PLRG1: variants seen among roughly 807,000 people sequenced by gnomAD.
PLRG1 encodes the protein pleiotropic regulator 1 (PRL1 homolog, Arabidopsis).
A neutral mutation model predicts 74.9 loss-of-function variants in PLRG1; 28 were observed. The observed-to-expected ratio is 0.37, with a 90% CI of 0.28 to 0.51. The LOEUF is 0.51. Among genes scored for constraint, PLRG1 ranks in the 20% least tolerant of loss-of-function variants. PLRG1 has a pLI of 0.91. For synonymous variants in PLRG1, 197 were observed against 212.4 expected, an observed-to-expected ratio of 0.93 and a Z score of 0.63; for missense variants, 445 against 631.9, an observed-to-expected ratio of 0.70 and a Z score of 3.17.
At chr4:154,544,630 A>C in intron 6 of PLRG1, 84 bp from the exon 7 acceptor site, 1 of 739,440 alleles carries the variant, frequency 1.4e-6, no homozygotes, top group South Asian at 1.7e-5. Flanking sequence ...AAATGGAAAG[A>C]GGGAACTTAC....
chr4:154,536,191 G>GTC lies in PLRG1; in HGVS notation c.*493_*494insGA, dbSNP rs1467641541. On this transcript the variant is annotated 3_prime_UTR_variant, in exon 15 of 15. Coordinates refer to ENST00000499023, the MANE Select transcript of PLRG1 (RefSeq NM_002669.4). ...GACACATCTTACTTGTCTATTTCCTGAACAGTATCTAGTGCAGAACTTTGT... is the reference window on the plus strand; with the variant it reads ...GACACATCTTACTTGTCTATTTCCTGTCAACAGTATCTAGTGCAGAACTTTGT... 3.2e-5 allele frequency: 5 copies of GTC among 154,340 alleles called. No individual in the cohort carries two copies. Among genetic ancestry groups the GTC allele is most frequent in the African/African-American group, 7.2e-5 (3 of 41,400 alleles). 9.6% of individuals were successfully genotyped at this position (154,340 alleles called of 1,614,324 possible).
At chr4:154,538,940 A>C (rs1729505544) in intron 12 of PLRG1, 165 bp downstream of exon 12, 1 of 557,106 alleles carries the variant, frequency 1.8e-6, no homozygotes. Flanking sequence ...CATGAAGCAA[A>C]ATAGTGCATG....
intron 7 of PLRG1, chr4:154,544,143 C>T: frequency 5.2e-6 from 1 of 191,254 alleles, no homozygotes; most frequent in Non-Finnish European, 1.1e-5. Flanking sequence ...GGTGTTTTTC[C>T]CCTTCACCTT....
intron 8 of PLRG1, among the ~76,000 whole-genome samples, 172 bp from the exon 9 acceptor site, chr4:154,541,106 C>G (rs75780078): frequency 0.026 from 3,949 of 152,078 alleles, 157 homozygotes; most frequent in African/African-American, 0.089. Context: ...AAGAAAAAAA[C>G]TGGCATGCTC....
chr4:154,541,238 T>TA (rs1560807051), intron 8 of PLRG1, among the ~76,000 whole-genome samples: 1 of 152,134 alleles, frequency 6.6e-6, no homozygotes, highest in Non-Finnish European at 1.5e-5. Flanking sequence ...GGCAACAACT[T>TA]AAAGAAATCC....
At chr4:154,539,844 T>G (rs1315304377) in intron 11 of PLRG1, 107 bp downstream of exon 11, 8 of 723,450 alleles carry the variant, frequency 1.1e-5, no homozygotes, top group Non-Finnish European at 2.0e-5. Context: ...ACAGAAACAC[T>G]GTAAACACAA....
chr4:154,548,765 C>T (rs1260167047), intron 2 of PLRG1, 64 bp downstream of exon 2: 1 of 828,952 alleles, frequency 1.2e-6, no homozygotes, highest in Non-Finnish European at 2.1e-6. Flanking sequence ...CCTCTCCCTG[C>T]TCTCTTCCCC....
intron 12 of PLRG1, among the ~76,000 whole-genome samples, chr4:154,538,429 T>C (rs528579672): frequency 6.6e-6 from 1 of 151,854 alleles, no homozygotes; most frequent in African/African-American, 2.4e-5. Context: ...TGCAACTCTT[T>C]TGGAGGGAGG....
intron 5 of PLRG1, 89 bp downstream of exon 5, chr4:154,546,034 C>T (rs1729646184): frequency 1.8e-6 from 2 of 1,087,442 alleles, no homozygotes; most frequent in Non-Finnish European, 2.7e-6. Context: ...AGGAAAATGT[C>T]ATATAATAGT....
In PLRG1 at chr4:154,542,291, A is replaced by G; in HGVS notation, c.595-12T>C. 1 of 1,566,078 alleles carries G rather than the reference A, an allele frequency of 6.4e-7. No homozygotes were observed. Among genetic ancestry groups the G allele is most frequent in the Middle Eastern group, 1.7e-4 (1 of 5,976 alleles). ...TGCCCACTGATAACCTGTATAAAACAAAGTAGAATGGGCAGGCCAACGTAG... is the reference window on the plus strand; with the variant it reads ...TGCCCACTGATAACCTGTATAAAACGAAGTAGAATGGGCAGGCCAACGTAG... On this transcript the variant is annotated splice_polypyrimidine_tract_variant and intron_variant, in intron 7 of 14. Coordinates refer to ENST00000499023, the MANE Select transcript of PLRG1 (RefSeq NM_002669.4).
intron 1 of PLRG1, 34 bp from the exon 2 acceptor site, chr4:154,548,969 A>G: frequency 8.9e-7 from 1 of 1,127,474 alleles, no homozygotes; most frequent in Non-Finnish European, 1.4e-6. Context: ...ACACCTATCT[A>G]CAAATTACAC....
intron 5 of PLRG1, 56 bp from the exon 6 acceptor site, chr4:154,545,979 T>C: frequency 8.3e-7 from 1 of 1,210,630 alleles, no homozygotes; most frequent in South Asian, 1.3e-5. Context: ...TCATGTATTC[T>C]GCAAAACTAA....
chr4:154,547,491 A>C, intron 3 of PLRG1: 2 of 573,824 alleles, frequency 3.5e-6, no homozygotes, highest in Non-Finnish European at 6.1e-6. Flanking sequence ...CACTCTAAGA[A>C]TCTCTGCCAT....
At chr4:154,540,562 T>C in intron 10 of PLRG1, 32 bp downstream of exon 10, 2 of 1,396,220 alleles carry the variant, frequency 1.4e-6, no homozygotes, top group Non-Finnish European at 2.0e-6. Flanking sequence ...GCAATATATT[T>C]ACAGATAAAT....
intron 1 of PLRG1, among the ~76,000 whole-genome samples, chr4:154,549,310 T>C (rs911718270): frequency 1.3e-5 from 2 of 152,180 alleles, no homozygotes; most frequent in African/African-American, 4.8e-5. Context: ...TTTTGATAAG[T>C]GCTATGAAGG....
chr4:154,539,714 G>C (rs1439353477), intron 11 of PLRG1, among the ~76,000 whole-genome samples: 1 of 151,956 alleles, frequency 6.6e-6, no homozygotes, highest in African/African-American at 2.4e-5. Flanking sequence ...CAGTATTCTA[G>C]TCAGACATTA....
chr4:154,536,651 G>GAAA lies in PLRG1; in HGVS notation c.*31_*33dup. 1 of 1,055,648 alleles carries GAAA rather than the reference G, an allele frequency of 9.5e-7. No individual in the cohort carries two copies. The allele number at this position is 1,055,648 out of a possible 1,614,324, so 65.4% of individuals were successfully genotyped here. A position where few individuals can be genotyped will look rare whatever the true frequency, so the allele number is the denominator to read the frequency against. On this transcript the variant is annotated 3_prime_UTR_variant, in exon 15 of 15. Transcript: ENST00000499023. ...AAGCTTTTTTTTTTTTAATTAAAAAGAAAAAAAAAGAGAGAGAAAAAATTC... is the reference window on the plus strand; with the variant it reads ...AAGCTTTTTTTTTTTTAATTAAAAAGAAAAAAAAAAAAGAGAGAGAAAAAATTC...
intron 6 of PLRG1, among the ~76,000 whole-genome samples, chr4:154,544,780 A>G (rs62330414): frequency 0.29 from 43,383 of 152,114 alleles, 6,386 homozygotes; most frequent in Middle Eastern, 0.36. Flanking sequence ...AGCTTGGCCA[A>G]TTACTAGCTG....
At position 154,547,830 on chromosome 4, in the gene PLRG1, T is replaced by C. The variant is rs1442514201; in HGVS notation, c.140A>G (p.Lys47Arg). Residue 47 changes from lysine (K) to arginine (R), a missense_variant, in exon 3 of 15, where the codon AAG becomes AGG. Physicochemically the swap from Lys to Arg is conservative, Grantham distance 26 (BLOSUM62 2). Transcript: ENST00000499023. ...EESHKRKMAI[K>R]LRNEYGPVLH... Reference sequence around the variant, plus strand: ...CACAGGACCATACTCATTACGAAGCTTGATTGCCATTTTTCGTTTGTGACT... The same window carrying C: ...CACAGGACCATACTCATTACGAAGCCTGATTGCCATTTTTCGTTTGTGACT... 1 of 1,608,072 alleles carries C rather than the reference T, an allele frequency of 6.2e-7. No individual in the cohort carries two copies. The highest frequency in any genetic ancestry group is 1.7e-5 in the Admixed American group (1 of 59,326).
Sources: allele counts gnomAD v4.1 joint callset (sites outside exome capture counted in the v4.1 genomes callset), GRCh38; gene constraint gnomAD v4.1.1; transcripts MANE v1.5; gene names NCBI Gene and HGNC (gene_info 2026-07-23, HGNC 2026-07-21).